Variants in AFF3 observed in about 807,000 individuals in gnomAD.
AFF3 encodes AF4/FMR2 family member 3.
A neutral mutation model predicts 129.7 loss-of-function variants in AFF3; 32 were observed. The observed-to-expected ratio is 0.25, with a 90% CI of 0.19 to 0.33. AFF3 has a LOEUF of 0.33. Among genes scored for constraint, AFF3 ranks in the 10% least tolerant of loss-of-function variants. The pLI, the probability that AFF3 is intolerant of heterozygous loss-of-function variation, is 1.00. For synonymous variants in AFF3, 644 were observed against 635.4 expected (o/e 1.01, Z -0.20); for missense variants, 1,373 against 1,592.0 (o/e 0.86, Z 2.34).
chr2:99,902,101 T>G (rs375866357), intron 7 of AFF3, among the ~76,000 whole-genome samples: 5 of 151,810 alleles, frequency 3.3e-5, no homozygotes, highest in African/African-American at 1.2e-4. Flanking sequence ...TGCGGGTGAA[T>G]ACTGTTCATC....
Position 100,105,713 on chromosome 2 carries a change from CT to C in AFF3, c.-144-131del, listed in dbSNP as rs1691244219. ...AGAAGCGCATGTCTCCATCAGGGCC[CT>C]ACCTCTGCTTCTCCACAGTTGGCCT... On this transcript the variant is annotated intron_variant, in intron 2 of 24. Coordinates refer to ENST00000672756, the MANE Select transcript of AFF3 (RefSeq NM_001386135.1). 4 of 1,360,720 alleles carry C rather than the reference CT, an allele frequency of 2.9e-6. No homozygotes were observed. The East Asian group carries it at 1.5e-4, about 51-fold the overall frequency. 84.3% of individuals were successfully genotyped at this position (1,360,720 alleles called of 1,614,324 possible).
intron 4 of AFF3, among the ~76,000 whole-genome samples, chr2:100,088,965 G>A (rs1163054252): frequency 2.0e-5 from 3 of 150,922 alleles, no homozygotes; most frequent in African/African-American, 4.9e-5. Context: ...TGCTTCTTAG[G>A]TAATATAAAC....
chr2:100,034,742 A>T (rs1011521350), intron 4 of AFF3, among the ~76,000 whole-genome samples: 6 of 152,196 alleles, frequency 3.9e-5, no homozygotes, highest in Admixed American at 1.3e-4. Flanking sequence ...AAAGGTCTAC[A>T]TGGAATACCA....
chr2:99,675,030 G>T (rs1176755025), intron 11 of AFF3, among the ~76,000 whole-genome samples: 1 of 152,216 alleles, frequency 6.6e-6, no homozygotes, highest in African/African-American at 2.4e-5. Context: ...CTCTGGGGCT[G>T]AGCATTTGTG....
intron 4 of AFF3, among the ~76,000 whole-genome samples, chr2:100,053,379 C>T (rs1049521736): frequency 6.6e-6 from 1 of 152,326 alleles, no homozygotes; most frequent in Non-Finnish European, 1.5e-5. Flanking sequence ...AGTGTGAAAA[C>T]ACATGGGGGC....
At chr2:100,113,570 A>G (rs533294973) in intron 2 of AFF3, among the ~76,000 whole-genome samples, 48 of 152,328 alleles carry the variant, frequency 3.2e-4, no homozygotes, top group African/African-American at 1.1e-3. Flanking sequence ...GACTAAGTGA[A>G]TAGGGGGGAA....
At chr2:99,870,433 T>C (rs1329431085) in intron 7 of AFF3, among the ~76,000 whole-genome samples, 1 of 152,230 alleles carries the variant, frequency 6.6e-6, no homozygotes, top group Non-Finnish European at 1.5e-5. Context: ...TCTGCCCTCT[T>C]CCATCATGTG....
intron 7 of AFF3, among the ~76,000 whole-genome samples, chr2:99,924,878 T>A (rs1192156649): frequency 2.8e-5 from 3 of 106,562 alleles, no homozygotes; most frequent in Non-Finnish European, 4.4e-5. Context: ...GATTTATTAA[T>A]TTTTTTTTTT....
chr2:99,828,295 A>G (rs1688253545), intron 8 of AFF3, among the ~76,000 whole-genome samples: 2 of 152,162 alleles, frequency 1.3e-5, no homozygotes, highest in Admixed American at 1.3e-4. Flanking sequence ...CCAGCGGGGA[A>G]TAAGTTACCC....
At chr2:99,959,570 AT>A (rs1470482467) in intron 7 of AFF3, among the ~76,000 whole-genome samples, 1 of 151,566 alleles carries the variant, frequency 6.6e-6, no homozygotes, top group East Asian at 1.9e-4. Context: ...AAAATGAAGC[AT>A]AAAAAAAATC....
chr2:99,844,758 T>C (rs757353054), intron 7 of AFF3, among the ~76,000 whole-genome samples: 1 of 152,058 alleles, frequency 6.6e-6, no homozygotes, highest in Non-Finnish European at 1.5e-5. Flanking sequence ...GATTTTACTG[T>C]ATTAAAACAT....
At chr2:100,036,134 T>TA (rs59136725) in intron 4 of AFF3, among the ~76,000 whole-genome samples, 785 of 64,302 alleles carry the variant, frequency 0.012, 39 homozygotes, top group African/African-American at 0.044. Context: ...AATACAGTGC[T>TA]AAAAAAAAAA....
chr2:99,951,033 T>C (rs1161417354), intron 7 of AFF3, among the ~76,000 whole-genome samples: 3 of 152,372 alleles, frequency 2.0e-5, no homozygotes, highest in Non-Finnish European at 4.4e-5. Context: ...CTATACTCAA[T>C]AGTGAAATAA....
chr2:99,584,455 T>A (rs1677897059), intron 16 of AFF3, among the ~76,000 whole-genome samples: 1 of 152,122 alleles, frequency 6.6e-6, no homozygotes, highest in African/African-American at 2.4e-5. Context: ...GGCGACAGAA[T>A]AAGACTCCGT....
At chr2:99,677,783 C>T (rs1335510244) in intron 11 of AFF3, among the ~76,000 whole-genome samples, 1 of 152,200 alleles carries the variant, frequency 6.6e-6, no homozygotes, top group Non-Finnish European at 1.5e-5. Context: ...CATGCCTCAT[C>T]ACCACCAGCG....
Position 99,551,155 on chromosome 2 carries a change from T to A in AFF3, c.*319A>T. 1 of 78,350 alleles carries A rather than the reference T, an allele frequency of 1.3e-5. No homozygotes were observed. Among genetic ancestry groups the A allele is most frequent in the East Asian group, 1.0e-4 (1 of 9,618 alleles). 4.9% of individuals were successfully genotyped at this position (78,350 alleles called of 1,614,324 possible). A position where few individuals can be genotyped will look rare whatever the true frequency, so the allele number is the denominator to read the frequency against. ...TCTGTGATTGTGTGTGAGTGTACGG[T>A]GTGTGTGTGTGTGTGTGTGTGTGTG... On this transcript the variant is annotated 3_prime_UTR_variant, in exon 25 of 25. Coordinates refer to ENST00000672756, the MANE Select transcript of AFF3 (RefSeq NM_001386135.1).
Position 99,582,924 on chromosome 2 carries a change from G to C in AFF3, c.2667C>G (p.His889Gln), listed in dbSNP as rs117712488. Residue 889 changes from histidine to glutamine, a missense_variant, in exon 17 of 25, where the codon CAC (histidine) becomes CAG (glutamine). This residue lies in a region of AFF3 where 466 missense variants were observed against 505.0 expected (regional missense o/e 0.92). Coordinates refer to ENST00000672756, the MANE Select transcript of AFF3 (RefSeq NM_001386135.1). ...PISPLSDASK[H>Q]KYTSEDLTSS... ...AAGTTAAGTCCTCGCTGGTGTATTT[G>C]TGTTTAGATGCATCAGAGAGGGGTG... is the stretch of plus-strand genomic sequence containing the variant. 6.2e-7 allele frequency: 1 copy of C among 1,614,112 alleles called. No homozygotes were observed. Among genetic ancestry groups the C allele is most frequent in the Admixed American group, 1.7e-5 (1 of 60,016 alleles).
chr2:99,580,513 T>C (rs1421528784), intron 17 of AFF3, among the ~76,000 whole-genome samples: 5 of 152,200 alleles, frequency 3.3e-5, no homozygotes, highest in Non-Finnish European at 5.9e-5. Context: ...TAGCATCTAC[T>C]GGGTGGAGGC....
intron 8 of AFF3, among the ~76,000 whole-genome samples, chr2:99,834,424 A>G (rs376911106): frequency 3.9e-5 from 6 of 152,306 alleles, no homozygotes; most frequent in African/African-American, 1.4e-4. Flanking sequence ...ATCCTCAGTC[A>G]ACGTCAGCTC....
Sources: gnomAD v4.1 joint callset for allele counts (sites outside exome capture counted in the v4.1 genomes callset) on GRCh38, gnomAD v4.1.1 for gene constraint, gnomAD v4.1.1 regional missense constraint, MANE v1.5 for transcripts, NCBI Gene and HGNC (gene_info 2026-07-23, HGNC 2026-07-21) for gene names.